CSMD3: variants seen among roughly 807,000 people sequenced by gnomAD.
CSMD3 encodes CUB and sushi domain-containing protein 3.
In CSMD3, 177 loss-of-function variants were observed where a neutral mutation model predicts 435.2. The observed-to-expected ratio is 0.41, with a 90% CI of 0.36 to 0.46. CSMD3 has a LOEUF of 0.46. Among genes scored for constraint, CSMD3 ranks in the 20% least tolerant of loss-of-function variants. The pLI is 0.34. For synonymous variants in CSMD3, 1,656 were observed against 1,520.5 expected (o/e 1.09, Z -2.07); for missense variants, 4,265 against 4,504.6 (o/e 0.95, Z 1.52).
chr8:112,504,090 T>C, intron 29 of CSMD3, 113 bp from the exon 30 acceptor site: 1 of 631,112 alleles, frequency 1.6e-6, no homozygotes, highest in East Asian at 2.9e-5. Context: ...TTAAAAATAA[T>C]AAAAGACGCT....
In CSMD3 at chr8:112,587,115, A is replaced by G; in HGVS notation, c.3836T>C (p.Ile1279Thr). 3 of 1,611,314 alleles carry G rather than the reference A, an allele frequency of 1.9e-6. No individual in the cohort carries two copies. Among genetic ancestry groups the G allele is most frequent in the Non-Finnish European group, 2.5e-6 (3 of 1,178,088 alleles). ...ATGAAATGTTCTGGCTGAAATATTG[A>G]TTCCCTTTCCTGCTTGAACCTGAAT... ...YSIQVQAGKG[I>T]NISARTFHLA... Residue 1279 changes from isoleucine (I) to threonine (T), a missense_variant, in exon 23 of 71, where the codon ATC (isoleucine) becomes ACC (threonine). This residue lies in a region of CSMD3 where 3,255 missense variants were observed against 3,380.2 expected (regional missense o/e 0.96). Transcript: ENST00000297405.
At chr8:112,525,644 C>A (rs1824809467) in intron 27 of CSMD3, among the ~76,000 whole-genome samples, 1 of 148,694 alleles carries the variant, frequency 6.7e-6, no homozygotes, top group South Asian at 2.1e-4. Context: ...TGGCGTGAAC[C>A]CAGGAGGTGG....
chr8:113,015,347 TTG>T (rs1440388893), intron 6 of CSMD3, among the ~76,000 whole-genome samples: 6 of 152,020 alleles, frequency 3.9e-5, no homozygotes, highest in Non-Finnish European at 7.4e-5. Flanking sequence ...CTTTTAAATA[TTG>T]TGTGTTGCTA....
chr8:113,101,860 G>A (rs190521101), intron 4 of CSMD3, among the ~76,000 whole-genome samples: 2 of 152,026 alleles, frequency 1.3e-5, no homozygotes, highest in Admixed American at 1.3e-4. Context: ...GTAAATGTTA[G>A]ATTAAAAAAA....
At chr8:113,198,633 A>G (rs1025396534) in intron 3 of CSMD3, among the ~76,000 whole-genome samples, 1 of 151,190 alleles carries the variant, frequency 6.6e-6, no homozygotes, top group Non-Finnish European at 1.5e-5. Flanking sequence ...ATTTTAACTT[A>G]GTATTAAAAT....
At chr8:112,821,111 C>T (rs1259339766) in intron 12 of CSMD3, among the ~76,000 whole-genome samples, 1 of 152,096 alleles carries the variant, frequency 6.6e-6, no homozygotes, top group Non-Finnish European at 1.5e-5. Context: ...CTTCAATAAA[C>T]CTATGTGTGC....
intron 30 of CSMD3, among the ~76,000 whole-genome samples, chr8:112,501,190 ACCC>A (rs1821917687): frequency 6.6e-6 from 1 of 151,298 alleles, no homozygotes; most frequent in Non-Finnish European, 1.5e-5. Context: ...CAAATGACAA[ACCC>A]TGGGCATTTA....
Position 112,684,334 on chromosome 8 carries a change from A to G in CSMD3, c.2482+1072T>C, listed in dbSNP as rs2075966985. Among the ~76,000 whole-genome samples, 10 of 152,084 alleles carry G rather than the reference A, an allele frequency of 6.6e-5. No individual in the cohort carries two copies. In the South Asian group the frequency reaches 2.1e-3, roughly 31 times the overall value. On this transcript the variant is annotated intron_variant, in intron 15 of 70. Coordinates refer to ENST00000297405, the MANE Select transcript of CSMD3 (RefSeq NM_198123.2). ...CATGTTTACAATTTACAGCGACACT[A>G]TTCACCACTAGTATCACTTTGAAAA...
At chr8:113,376,156 G>A (rs1354091648) in intron 1 of CSMD3, among the ~76,000 whole-genome samples, 2 of 151,962 alleles carry the variant, frequency 1.3e-5, no homozygotes, top group Non-Finnish European at 2.9e-5. Flanking sequence ...TTTGAACATA[G>A]AAGATAAAAT....
intron 9 of CSMD3, among the ~76,000 whole-genome samples, chr8:112,925,291 C>T (rs1000750196): frequency 6.6e-6 from 1 of 151,904 alleles, no homozygotes; most frequent in Non-Finnish European, 1.5e-5. Context: ...ATTAATTTAT[C>T]CATTAAGAAT....
At chr8:113,077,388 C>A (rs1298967004) in intron 5 of CSMD3, among the ~76,000 whole-genome samples, 12 of 151,676 alleles carry the variant, frequency 7.9e-5, no homozygotes, top group Admixed American at 5.9e-4. Context: ...TATAAAAAAA[C>A]CATTATGCTA....
intron 23 of CSMD3, among the ~76,000 whole-genome samples, chr8:112,581,266 G>A (rs1046537101): frequency 6.6e-6 from 1 of 151,930 alleles, no homozygotes; most frequent in Non-Finnish European, 1.5e-5. Context: ...TTTGAGATTT[G>A]AACCTAGGTT....
intron 10 of CSMD3, among the ~76,000 whole-genome samples, chr8:112,889,600 G>T (rs2130310641): frequency 6.6e-6 from 1 of 151,768 alleles, no homozygotes; most frequent in African/African-American, 2.4e-5. Flanking sequence ...TATATTCAAT[G>T]ATTTCATGTC....
chr8:112,417,149 G>T (rs1245669897), intron 32 of CSMD3, among the ~76,000 whole-genome samples: 2 of 152,166 alleles, frequency 1.3e-5, no homozygotes, highest in East Asian at 3.9e-4. Context: ...TAGCTGAGCA[G>T]ATTTAGGAAG....
At chr8:112,805,869 C>T (rs1327561273) in intron 12 of CSMD3, among the ~76,000 whole-genome samples, 1 of 152,044 alleles carries the variant, frequency 6.6e-6, no homozygotes, top group Admixed American at 6.6e-5. Context: ...AAATTTGTCC[C>T]AGTGGGGGAT....
intron 3 of CSMD3, among the ~76,000 whole-genome samples, chr8:113,202,494 A>G (rs2092725326): frequency 6.6e-6 from 1 of 151,876 alleles, no homozygotes; most frequent in African/African-American, 2.4e-5. Context: ...ACTAGATGAT[A>G]CTCCTTTGAA....
At chr8:112,996,913 T>C (rs534047726) in intron 6 of CSMD3, among the ~76,000 whole-genome samples, 1 of 151,764 alleles carries the variant, frequency 6.6e-6, no homozygotes, top group Non-Finnish European at 1.5e-5. Flanking sequence ...TTACAGCATT[T>C]TGTGTTCTCA....
At chr8:112,928,786 C>A (rs1288356400) in intron 9 of CSMD3, among the ~76,000 whole-genome samples, 1 of 150,046 alleles carries the variant, frequency 6.7e-6, no homozygotes, top group Admixed American at 6.7e-5. Context: ...GATTTATAGT[C>A]CTTTGGGTAT....
At chr8:112,919,372 T>C (rs1466323702) in intron 10 of CSMD3, among the ~76,000 whole-genome samples, 2 of 151,842 alleles carry the variant, frequency 1.3e-5, no homozygotes, top group Non-Finnish European at 2.9e-5. Flanking sequence ...CAATGTAATA[T>C]AACACCTTAT....
Sources: gnomAD v4.1 joint callset for allele counts (sites outside exome capture counted in the v4.1 genomes callset) on GRCh38, gnomAD v4.1.1 for gene constraint, gnomAD v4.1.1 regional missense constraint, MANE v1.5 for transcripts, NCBI Gene and HGNC (gene_info 2026-07-23, HGNC 2026-07-21) for gene names.